The following ADGRL3 variants were observed in gnomAD, a reference collection of about 807,000 sequenced individuals.
ADGRL3 encodes adhesion G protein-coupled receptor L3, also known as calcium-independent alpha-latrotoxin receptor 3.
A neutral mutation model predicts 153.5 loss-of-function variants in ADGRL3; 62 were observed. The ratio of observed to expected loss-of-function variants is 0.40; its 90% CI spans 0.33 to 0.50. The LOEUF is 0.50. Among genes scored for constraint, ADGRL3 ranks in the 20% least tolerant of loss-of-function variants. The pLI is 0.47. For missense variants in ADGRL3, 1,641 were observed against 1,859.4 expected (o/e 0.88, Z 2.16); for synonymous variants, 710 against 672.5 (o/e 1.06, Z -0.86).
intron 8 of ADGRL3, among the ~76,000 whole-genome samples, chr4:61,791,927 G>T (rs557749143): frequency 6.6e-6 from 1 of 152,236 alleles, no homozygotes; most frequent in East Asian, 1.9e-4. Flanking sequence ...GGGGAACCCT[G>T]GGCCCGGCCC....
intron 4 of ADGRL3, chr4:61,579,686 A>C: frequency 2.2e-6 from 1 of 450,270 alleles, no homozygotes; most frequent in Non-Finnish European, 4.3e-6. Context: ...CTATAAGTTC[A>C]GAAATTGTAT....
chr4:61,435,781 A>G (rs2097437711), intron 2 of ADGRL3, among the ~76,000 whole-genome samples: 1 of 151,942 alleles, frequency 6.6e-6, no homozygotes, highest in Admixed American at 6.6e-5. Flanking sequence ...ATCTAATCTC[A>G]TTACTTCTCT....
At chr4:61,778,292 GGTCCCA>G (rs1489131643) in intron 8 of ADGRL3, among the ~76,000 whole-genome samples, 3 of 152,112 alleles carry the variant, frequency 2.0e-5, no homozygotes, top group Non-Finnish European at 4.4e-5. Context: ...AAATGCTTCT[GGTCCCA>G]CACATTTCAG....
intron 2 of ADGRL3, chr4:61,425,200 T>C (rs1262686101): frequency 6.6e-6 from 1 of 152,190 alleles, no homozygotes; most frequent in African/African-American, 2.4e-5. Context: ...ACCTGTGGGG[T>C]GGGGGCACTA....
At chr4:61,412,299 T>C (rs2097097013) in intron 2 of ADGRL3, among the ~76,000 whole-genome samples, 1 of 152,126 alleles carries the variant, frequency 6.6e-6, no homozygotes, top group African/African-American at 2.4e-5. Flanking sequence ...TGTTGCTTAG[T>C]CTGGTCTCGA....
chr4:61,934,899 C>T lies in ADGRL3; in HGVS notation c.2172C>T (p.Asp724=). 6.2e-7 allele frequency: 1 copy of T among 1,613,806 alleles called. No individual in the cohort carries two copies. Among genetic ancestry groups the T allele is most frequent in the Non-Finnish European group, 8.5e-7 (1 of 1,179,794 alleles). The change falls in exon 14 of 27, where the codon GAC becomes GAT. Residue 724 remains aspartate, a synonymous_variant. Coordinates refer to ENST00000683033, the MANE Select transcript of ADGRL3 (RefSeq NM_001387552.1). ...CACAAGCTTTGAATGCATGGAGAGA[C>T]CTGACTACGAGTGATCAGCTGCGTG... ...LQPQALNAWR[D]LTTSDQLRAA... is the part of the protein sequence containing the mutation.
intron 1 of ADGRL3, among the ~76,000 whole-genome samples, chr4:61,350,443 C>T (rs1242385584): frequency 1.4e-5 from 2 of 145,708 alleles, no homozygotes; most frequent in East Asian, 2.2e-4. Context: ...GTGCTCTTTA[C>T]GTTATCCCCA....
chr4:61,836,513 C>T (rs1561330633), intron 9 of ADGRL3, among the ~76,000 whole-genome samples: 1 of 151,544 alleles, frequency 6.6e-6, no homozygotes, highest in East Asian at 1.9e-4. Context: ...TCAATTTTAC[C>T]CATGAAAGTT....
At chr4:61,867,111 A>G (rs375928710) in intron 9 of ADGRL3, among the ~76,000 whole-genome samples, 1 of 152,108 alleles carries the variant, frequency 6.6e-6, no homozygotes, top group Non-Finnish European at 1.5e-5. Flanking sequence ...ATACCAGCCC[A>G]TATCTATTTT....
chr4:61,473,641 A>G (rs757020642), intron 2 of ADGRL3, among the ~76,000 whole-genome samples: 2 of 152,140 alleles, frequency 1.3e-5, no homozygotes, highest in Admixed American at 6.6e-5. Context: ...TAGAGTTTAT[A>G]ATAGGAAGTG....
intron 2 of ADGRL3, among the ~76,000 whole-genome samples, chr4:61,459,592 A>G (rs2097787918): frequency 6.6e-6 from 1 of 152,096 alleles, no homozygotes; most frequent in Non-Finnish European, 1.5e-5. Flanking sequence ...TTGCTAGATC[A>G]TATGGTGATT....
At chr4:61,770,771 T>C (rs2097075092) in intron 8 of ADGRL3, among the ~76,000 whole-genome samples, 1 of 152,216 alleles carries the variant, frequency 6.6e-6, no homozygotes, top group Admixed American at 6.5e-5. Flanking sequence ...TTATCTTGAA[T>C]TTGCTACTTC....
chr4:61,647,036 T>C lies in ADGRL3; in HGVS notation c.474-29790T>C, dbSNP rs563310311. On this transcript the variant is annotated intron_variant, in intron 5 of 26. Transcript: ENST00000683033. ...AGTCTTCGGGTGGGAGTCACTCGATTTTCCAGGTGCCGTCCATCACCCCTT... is the reference window on the plus strand; with the variant it reads ...AGTCTTCGGGTGGGAGTCACTCGATCTTCCAGGTGCCGTCCATCACCCCTT... Among the ~76,000 whole-genome samples the C allele has an allele frequency of 4.6e-5, 7 of 152,258 alleles. No individual in the cohort carries two copies. The South Asian group carries it at 1.5e-3, about 32-fold the overall frequency.
Position 61,744,493 on chromosome 4 carries a change from G to A in ADGRL3, c.1399+10939G>A, listed in dbSNP as rs188796940. On this transcript the variant is annotated intron_variant, in intron 8 of 26. Transcript: ENST00000683033. ...TAGGGGCAGACTGACACCTCACACC[G>A]CCGGGTACTCCTCTGAGACAAAAAT... Among the ~76,000 whole-genome samples the A allele has an allele frequency of 3.8e-3, 577 of 152,176 alleles. 5 individuals carry two copies. The highest frequency in any genetic ancestry group is 0.01 in the Middle Eastern group (3 of 294).
intron 9 of ADGRL3, among the ~76,000 whole-genome samples, chr4:61,856,972 CTT>C: frequency 1.0e-5 from 1 of 96,366 alleles, no homozygotes; most frequent in Admixed American, 1.5e-4. Context: ...TTCTTTCTTT[CTT>C]TCTTTCTTTC....
chr4:61,333,818 G>T (rs1267784347), intron 1 of ADGRL3, among the ~76,000 whole-genome samples: 1 of 151,438 alleles, frequency 6.6e-6, no homozygotes, highest in Non-Finnish European at 1.5e-5. Flanking sequence ...GGCTCACTAT[G>T]TTGCCCAGGC....
intron 2 of ADGRL3, among the ~76,000 whole-genome samples, chr4:61,488,394 T>G (rs1274848445): frequency 6.6e-6 from 1 of 152,022 alleles, no homozygotes; most frequent in Non-Finnish European, 1.5e-5. Flanking sequence ...AGCATTTCAT[T>G]GCTTGAAACA....
At chr4:61,515,391 C>T (rs975817125) in intron 3 of ADGRL3, among the ~76,000 whole-genome samples, 2 of 152,120 alleles carry the variant, frequency 1.3e-5, no homozygotes, top group African/African-American at 4.8e-5. Flanking sequence ...GTAACCTTTA[C>T]ATAATACTCT....
chr4:61,785,438 G>A (rs909251991), intron 8 of ADGRL3, among the ~76,000 whole-genome samples: 2 of 152,052 alleles, frequency 1.3e-5, no homozygotes, highest in African/African-American at 4.8e-5. Context: ...TGCTTTTAAG[G>A]TCTAAAATTT....
Sources: gnomAD v4.1 joint callset for allele counts (sites outside exome capture counted in the v4.1 genomes callset) on GRCh38, gnomAD v4.1.1 for gene constraint, MANE v1.5 for transcripts, NCBI Gene and HGNC (gene_info 2026-07-23, HGNC 2026-07-21) for gene names.